The following CYP2B6 variants were observed in gnomAD, a reference collection of about 807,000 sequenced individuals.
CYP2B6 encodes cytochrome P450 2B6.
A neutral mutation model predicts 43.4 loss-of-function variants in CYP2B6; 35 were observed. That is an observed-to-expected ratio of 0.81 (90% CI 0.62 to 1.07). CYP2B6 has a LOEUF of 1.07. CYP2B6 is among the 50% of genes least tolerant of loss of function. The probability of loss-of-function intolerance (pLI) is 0.00; values close to 1 mark genes in which losing one functional copy is unlikely to be tolerated. For missense variants in CYP2B6, 624 were observed against 632.8 expected, an observed-to-expected ratio of 0.99 and a Z score of 0.15; for synonymous variants, 239 against 239.2, an observed-to-expected ratio of 1.00 and a Z score of 0.01.
intron 8 of CYP2B6, among the ~76,000 whole-genome samples, chr19:41,014,814 C>T (rs544126055): frequency 7.0e-5 from 10 of 143,482 alleles, no homozygotes; most frequent in Admixed American, 2.2e-4. Context: ...GAGAGAGTCA[C>T]GTAAGGAGAA....
intron 1 of CYP2B6, among the ~76,000 whole-genome samples, chr19:41,003,334 C>A (rs773595525): frequency 4.1e-4 from 62 of 152,014 alleles, no homozygotes; most frequent in Non-Finnish European, 7.8e-4. Context: ...GTGGTATACA[C>A]AGTGCAGACA....
At chr19:41,011,489 T>C (rs1186407238) in intron 6 of CYP2B6, among the ~76,000 whole-genome samples, 3 of 152,230 alleles carry the variant, frequency 2.0e-5, no homozygotes, top group Non-Finnish European at 4.4e-5. Flanking sequence ...GGTTTGTTCA[T>C]TTATTCATCA....
At chr19:41,000,443 C>T (rs769455212) in intron 1 of CYP2B6, among the ~76,000 whole-genome samples, 66 of 152,286 alleles carry the variant, frequency 4.3e-4, no homozygotes, top group Middle Eastern at 3.4e-3. Context: ...CCTGACTCAG[C>T]GGAACTGGCA....
chr19:40,993,460 CA>C (rs946148615), intron 1 of CYP2B6, among the ~76,000 whole-genome samples: 3 of 152,048 alleles, frequency 2.0e-5, no homozygotes, highest in African/African-American at 7.3e-5. Flanking sequence ...CACAAGGTGG[CA>C]GGAAAAAGAG....
At chr19:41,012,619 G>A (rs1707265891) in intron 7 of CYP2B6, 55 bp from the exon 8 acceptor site, 1 of 1,612,316 alleles carries the variant, frequency 6.2e-7, no homozygotes, top group Non-Finnish European at 8.5e-7. Context: ...TTTGTGGAGT[G>A]TGTGGAGGGT....
intron 6 of CYP2B6, 38 bp from the exon 7 acceptor site, chr19:41,012,260 C>T (rs746750374): frequency 6.2e-7 from 1 of 1,607,964 alleles, no homozygotes; most frequent in Non-Finnish European, 8.5e-7. Context: ...TGAAATGCCT[C>T]TTTAAAATGA....
intron 1 of CYP2B6, among the ~76,000 whole-genome samples, chr19:40,995,081 C>T (rs1380918166): frequency 2.0e-5 from 3 of 152,072 alleles, no homozygotes; most frequent in South Asian, 2.1e-4. Context: ...TTGCTAAAGC[C>T]ATTCACAGAT....
chr19:41,014,203 A>G (rs888327959), intron 8 of CYP2B6, among the ~76,000 whole-genome samples: 27 of 152,288 alleles, frequency 1.8e-4, no homozygotes, highest in African/African-American at 6.0e-4. Flanking sequence ...TTTGCGCAGT[A>G]CAGTGACCTC....
At chr19:41,012,949 C>T (rs1665651279) in intron 8 of CYP2B6, 134 bp downstream of exon 8, 9 of 1,031,644 alleles carry the variant, frequency 8.7e-6, no homozygotes, top group Non-Finnish European at 1.4e-5. Context: ...TTATCCCATT[C>T]CATCTTCACT....
intron 4 of CYP2B6, among the ~76,000 whole-genome samples, chr19:41,008,244 C>T (rs1969225530): frequency 6.6e-6 from 1 of 151,424 alleles, no homozygotes; most frequent in African/African-American, 2.4e-5. Context: ...CAGTATCTTG[C>T]TCTGTTACTC....
At chr19:41,013,458 A>G (rs1455789124) in intron 8 of CYP2B6, among the ~76,000 whole-genome samples, 187 of 152,322 alleles carry the variant, frequency 1.2e-3, no homozygotes, top group African/African-American at 4.4e-3. Flanking sequence ...ATGGGTGAGC[A>G]TCAATCAACC....
chr19:40,992,547 C>T (rs1040499681), intron 1 of CYP2B6, among the ~76,000 whole-genome samples: 2 of 151,946 alleles, frequency 1.3e-5, no homozygotes, highest in African/African-American at 4.8e-5. Flanking sequence ...GAGACAGGGC[C>T]TCACTCTGTC....
In CYP2B6 at chr19:41,017,616, T is replaced by TC. The variant is rs1014749455; in HGVS notation, c.*794dup. On this transcript the variant is annotated 3_prime_UTR_variant, in exon 9 of 9. Transcript: ENST00000324071. Reference sequence around the variant, plus strand: ...TCTGGAGGAGCTGGTATCACAGGCGTCCCCCACCACGCCTGGCTAAATTTT... The same window carrying TC: ...TCTGGAGGAGCTGGTATCACAGGCGTCCCCCCACCACGCCTGGCTAAATTTT... 5 of 151,946 alleles carry TC rather than the reference T, an allele frequency of 3.3e-5. No homozygotes were observed. Among genetic ancestry groups the TC allele is most frequent in the Non-Finnish European group, 7.4e-5 (5 of 68,002 alleles). The allele number at this position is 151,946 out of a possible 1,614,324, so 9.4% of individuals were successfully genotyped here.
At chr19:41,003,699 A>G (rs908454651) in intron 1 of CYP2B6, among the ~76,000 whole-genome samples, 2 of 152,152 alleles carry the variant, frequency 1.3e-5, no homozygotes, top group African/African-American at 4.8e-5. Flanking sequence ...TTAGCTTTTT[A>G]GCAGCCTGAA....
chr19:41,003,961 GCTGA>G (rs1969134270), intron 1 of CYP2B6, 36 bp from the exon 2 acceptor site: 9 of 1,600,636 alleles, frequency 5.6e-6, no homozygotes, highest in Non-Finnish European at 7.7e-6. Context: ...TGAGGTGTAT[GCTGA>G]CTAACAGCCA....
In CYP2B6 at chr19:40,991,344, AG is replaced by A; in HGVS notation, c.41del (p.Gly14AspfsTer43). 1 of 1,614,094 alleles carries A rather than the reference AG, an allele frequency of 6.2e-7. No individual in the cohort carries two copies. Among genetic ancestry groups the A allele is most frequent in the South Asian group, 1.1e-5 (1 of 91,074 alleles). On this transcript the variant is annotated frameshift_variant, in exon 1 of 9. Transcript: ENST00000324071. LOFTEE classifies it high-confidence loss of function. Reference sequence around the variant, plus strand: ...TCCTCCTCTTCCTTGCACTCCTCACAGGACTCTTGCTACTCCTGGTTCAGCG... The same window carrying A: ...TCCTCCTCTTCCTTGCACTCCTCACAGACTCTTGCTACTCCTGGTTCAGCG... The part of the protein sequence containing the change: ...SVLLFLALLT[G>X]LLLLLVQRHP...
intron 1 of CYP2B6, among the ~76,000 whole-genome samples, chr19:41,003,544 C>T (rs141257880): frequency 1.1e-4 from 17 of 152,140 alleles, no homozygotes; most frequent in Non-Finnish European, 2.9e-5. Context: ...AAGAAGTATG[C>T]GGTGGGGGTG....
intron 1 of CYP2B6, among the ~76,000 whole-genome samples, chr19:40,992,587 C>T (rs1033176977): frequency 6.6e-6 from 1 of 151,984 alleles, no homozygotes; most frequent in South Asian, 2.1e-4. Flanking sequence ...GGCATGATCA[C>T]GTCTCACTGC....
chr19:40,999,621 A>T (rs34801721), intron 1 of CYP2B6, among the ~76,000 whole-genome samples: 7,431 of 152,174 alleles, frequency 0.049, 221 homozygotes, highest in Middle Eastern at 0.11. Flanking sequence ...TTTCAAAAGG[A>T]TCTTTGTGGC....
Sources: allele counts gnomAD v4.1 joint callset (sites outside exome capture counted in the v4.1 genomes callset), GRCh38; gene constraint gnomAD v4.1.1; transcripts MANE v1.5; gene names NCBI Gene and HGNC (gene_info 2026-07-23, HGNC 2026-07-21).